Variants in ASIP observed in about 807,000 individuals in gnomAD.
ASIP encodes agouti-signaling protein.
Under a neutral mutation model 10.3 loss-of-function variants are expected in ASIP, and 11 were observed. The ratio of observed to expected loss-of-function variants is 1.07; its 90% CI spans 0.68 to 1.78. The LOEUF is 1.78. Among genes scored for constraint, ASIP ranks in the 40% most tolerant of loss-of-function variants. The pLI, the probability that ASIP is intolerant of heterozygous loss-of-function variation, is 0.00. For synonymous variants in ASIP, 70 were observed against 70.8 expected (o/e 0.99, Z 0.06); for missense variants, 180 against 169.2 (o/e 1.06, Z -0.35).
chr20:34,203,493 G>A lies in ASIP; in HGVS notation c.-11+8733G>A, dbSNP rs560512202. Among the ~76,000 whole-genome samples the A allele has an allele frequency of 1.1e-4, 16 of 152,138 alleles. 1 individual carries two copies. In the South Asian group the frequency reaches 3.3e-3, roughly 32 times the overall value. On this transcript the variant is annotated intron_variant, in intron 1 of 3. Transcript: ENST00000568305. ...GCACACTGCAACCTCTGCCTCCTGG[G>A]TTCAAGTGATTCTCATGCCTCAGCC...
intron 1 of ASIP, among the ~76,000 whole-genome samples, chr20:34,235,764 GAC>G (rs1486504647): frequency 1.4e-5 from 2 of 147,496 alleles, no homozygotes; most frequent in African/African-American, 5.0e-5. Context: ...CAGCCTGTGT[GAC>G]AGAGTGAGAC....
intron 1 of ASIP, chr20:34,213,415 G>C (rs2034987127): frequency 1.3e-6 from 1 of 798,430 alleles, no homozygotes; most frequent in South Asian, 1.8e-5. Flanking sequence ...ACCAACACCT[G>C]AAAAATGTGA....
At chr20:34,253,651 T>C (rs1404944440) in intron 1 of ASIP, among the ~76,000 whole-genome samples, 2 of 151,930 alleles carry the variant, frequency 1.3e-5, no homozygotes, top group East Asian at 1.9e-4. Flanking sequence ...TTTGTATTTT[T>C]AGTAGAGACG....
intron 1 of ASIP, among the ~76,000 whole-genome samples, chr20:34,235,315 CTGTAA>C (rs1328547225): frequency 1.3e-5 from 2 of 152,136 alleles, no homozygotes; most frequent in Non-Finnish European, 2.9e-5. Flanking sequence ...TGGCAGGCAC[CTGTAA>C]TCCCAGCTAC....
intron 1 of ASIP, among the ~76,000 whole-genome samples, chr20:34,223,756 G>A (rs1279838366): frequency 1.5e-5 from 2 of 137,892 alleles, no homozygotes; most frequent in Non-Finnish European, 3.1e-5. Context: ...GGATGACAAT[G>A]GCGGCTTTGT....
chr20:34,220,976 T>A (rs960014527), intron 1 of ASIP, among the ~76,000 whole-genome samples: 1 of 148,598 alleles, frequency 6.7e-6, no homozygotes, highest in Non-Finnish European at 1.5e-5. Context: ...TTTTTTTTTT[T>A]CTTCAGTGAA....
At position 34,269,017 on chromosome 20, in the gene ASIP, G is replaced by A; in HGVS notation, c.249G>A (p.Val83=). ...AGGAGGCTTCGATGAAGAAAGTGGT[G>A]CGGCCCCGGACCCCCCTATCTGCGC... ...SKKEASMKKV[V]RPRTPLSAPC... is the part of the protein sequence containing the mutation. The change falls in exon 4 of 4, where the codon GTG becomes GTA. Residue 83 remains valine (V), a synonymous_variant. Transcript: ENST00000374954. 1 of 1,608,114 alleles carries A rather than the reference G, an allele frequency of 6.2e-7. No individual in the cohort carries two copies. The highest frequency in any genetic ancestry group is 8.5e-7 in the Non-Finnish European group (1 of 1,177,946).
intron 1 of ASIP, chr20:34,213,460 G>A: frequency 8.4e-7 from 1 of 1,192,954 alleles, no homozygotes; most frequent in Non-Finnish European, 1.2e-6. Flanking sequence ...GGTAGAGACT[G>A]AGACAGTTTT....
At chr20:34,223,320 A>AC (rs1411413129) in intron 1 of ASIP, among the ~76,000 whole-genome samples, 4 of 139,692 alleles carry the variant, frequency 2.9e-5, no homozygotes. Flanking sequence ...CCCGGCCGAG[A>AC]CCCCGTCTGG....
intron 1 of ASIP, among the ~76,000 whole-genome samples, chr20:34,207,734 C>T (rs1480389484): frequency 6.6e-6 from 1 of 151,826 alleles, no homozygotes; most frequent in Non-Finnish European, 1.5e-5. Flanking sequence ...TAGTTTAATT[C>T]TTCTTCATAT....
chr20:34,216,697 T>C (rs576813694), intron 1 of ASIP, among the ~76,000 whole-genome samples: 2 of 152,380 alleles, frequency 1.3e-5, no homozygotes, highest in East Asian at 1.9e-4. Context: ...CCTCACTGAA[T>C]TGATCTGATG....
chr20:34,203,598 C>T (rs6088424), intron 1 of ASIP, among the ~76,000 whole-genome samples: 41,124 of 151,972 alleles, frequency 0.27, 10,686 homozygotes, highest in African/African-American at 0.69. Flanking sequence ...GGTTTCGCCA[C>T]GTTGGCCTGG....
chr20:34,196,489 T>C (rs2122530720), intron 1 of ASIP, among the ~76,000 whole-genome samples: 1 of 152,094 alleles, frequency 6.6e-6, no homozygotes, highest in East Asian at 1.9e-4. Context: ...GAAGATTTCT[T>C]ATAGAAAATA....
chr20:34,207,136 C>T (rs1346133732), intron 1 of ASIP, among the ~76,000 whole-genome samples: 2 of 152,098 alleles, frequency 1.3e-5, no homozygotes, highest in African/African-American at 4.8e-5. Flanking sequence ...TACAAGCATC[C>T]CCCTTTCTCT....
chr20:34,227,886 A>G (rs1444272090), intron 1 of ASIP, among the ~76,000 whole-genome samples: 3 of 152,208 alleles, frequency 2.0e-5, no homozygotes, highest in African/African-American at 7.2e-5. Flanking sequence ...AATAATCAAA[A>G]CAGTGTAGTA....
At chr20:34,243,111 CCT>C (rs1173768490) in intron 1 of ASIP, among the ~76,000 whole-genome samples, 3 of 152,204 alleles carry the variant, frequency 2.0e-5, no homozygotes, top group Admixed American at 1.3e-4. Flanking sequence ...GACTCTGACC[CCT>C]GTTTCAGTGG....
At chr20:34,246,441 C>T (rs2035377099) in intron 1 of ASIP, 1 of 1,405,182 alleles carries the variant, frequency 7.1e-7, no homozygotes, top group Non-Finnish European at 1.0e-6. Context: ...GAACAGACTC[C>T]ACAATAAAGG....
rs36107431 is a variant in ASIP at position 34,253,447 on chromosome 20, TTTTA to T, written c.-10-6882_-10-6879del. Among the ~76,000 whole-genome samples the T allele has an allele frequency of 3.5e-3, 360 of 103,806 alleles. 1 individual carries two copies. The highest frequency in any genetic ancestry group is 9.4e-3 in the Middle Eastern group (2 of 212). 68.1% of individuals were successfully genotyped at this position (103,806 alleles called of 152,430 possible). On this transcript the variant is annotated intron_variant, in intron 1 of 3. Transcript: ENST00000374954. ...TCCCTACGCTCTTATTTTTATTTTA[TTTTA>T]TTTATTTATTTATTTATTTATTTAT...
At position 34,214,599 on chromosome 20, in the gene ASIP, T is replaced by C. The variant is rs2034995451; in HGVS notation, c.-11+19839T>C. On this transcript the variant is annotated intron_variant, in intron 1 of 3. Coordinates refer to the ASIP transcript ENST00000568305. ...TAAAAACTCTGCGAACAGAGGCCAG[T>C]AGTAACTCTCGTGAAACTTGAGCAA... 2.3e-6 allele frequency: 3 copies of C among 1,308,008 alleles called. No individual in the cohort carries two copies. In the South Asian group the frequency reaches 3.5e-5, roughly 15 times the overall value. 81.0% of individuals were successfully genotyped at this position (1,308,008 alleles called of 1,614,324 possible). A position where few individuals can be genotyped will look rare whatever the true frequency, so the allele number is the denominator to read the frequency against.
Sources: allele counts gnomAD v4.1 joint callset (sites outside exome capture counted in the v4.1 genomes callset), GRCh38; gene constraint gnomAD v4.1.1; transcripts MANE v1.5; gene names NCBI Gene and HGNC (gene_info 2026-07-23, HGNC 2026-07-21).